CFDP1: variants seen among roughly 807,000 people sequenced by gnomAD.
The protein encoded by CFDP1 is chromatin remodeling protein CFDP1.
In CFDP1, 31 loss-of-function variants were observed where a neutral mutation model predicts 40.1. The observed-to-expected ratio is 0.77, with a 90% CI of 0.58 to 1.04. CFDP1 has a LOEUF of 1.04. Ranked by LOEUF, CFDP1 falls within the 50% of genes least tolerant of loss-of-function variation. The pLI is 0.00. For synonymous variants in CFDP1, 167 were observed against 120.0 expected, an observed-to-expected ratio of 1.39 and a Z score of -2.56; for missense variants, 423 against 343.4, an observed-to-expected ratio of 1.23 and a Z score of -1.83.
chr16:75,423,267 CAA>C (rs1285843544), intron 1 of CFDP1, among the ~76,000 whole-genome samples: 1 of 120,848 alleles, frequency 8.3e-6, no homozygotes, highest in Non-Finnish European at 1.7e-5. Context: ...GGTGACAGAG[CAA>C]GACTCCGTCT....
At chr16:75,319,295 G>A (rs1231496891) in intron 5 of CFDP1, among the ~76,000 whole-genome samples, 1 of 152,034 alleles carries the variant, frequency 6.6e-6, no homozygotes, top group African/African-American at 2.4e-5. Flanking sequence ...ACCTACCTCG[G>A]CCTCCCAAAG....
At chr16:75,426,116 C>T (rs537777693) in intron 1 of CFDP1, among the ~76,000 whole-genome samples, 3 of 147,304 alleles carry the variant, frequency 2.0e-5, no homozygotes, top group East Asian at 2.0e-4. Flanking sequence ...TTTGGGAGGC[C>T]GAGGTGGGCG....
At chr16:75,408,483 T>C (rs2079124687) in intron 4 of CFDP1, among the ~76,000 whole-genome samples, 1 of 151,880 alleles carries the variant, frequency 6.6e-6, no homozygotes, top group South Asian at 2.1e-4. Flanking sequence ...ACTTCAAATA[T>C]TAATATAAAC....
chr16:75,359,908 G>A (rs2078670934), intron 5 of CFDP1, among the ~76,000 whole-genome samples: 1 of 152,092 alleles, frequency 6.6e-6, no homozygotes, highest in African/African-American at 2.4e-5. Context: ...ATTGCTAATG[G>A]CTACTCTCCA....
chr16:75,314,140 CT>C (rs1338221323), intron 5 of CFDP1, among the ~76,000 whole-genome samples: 1 of 152,296 alleles, frequency 6.6e-6, no homozygotes, highest in East Asian at 1.9e-4. Flanking sequence ...CCGCCTCAGC[CT>C]CCCAAAGTGC....
chr16:75,398,949 C>T (rs532310717), intron 4 of CFDP1, among the ~76,000 whole-genome samples: 26 of 149,784 alleles, frequency 1.7e-4, no homozygotes, highest in Non-Finnish European at 1.3e-4. Context: ...CCCAGCTACT[C>T]GGGAGGCTGA....
chr16:75,412,120 C>A (rs534618785), intron 3 of CFDP1, among the ~76,000 whole-genome samples, 168 bp from the exon 4 acceptor site: 2 of 152,246 alleles, frequency 1.3e-5, no homozygotes, highest in South Asian at 2.1e-4. Flanking sequence ...CAGGTTAAAG[C>A]GATTCTCCTT....
intron 5 of CFDP1, among the ~76,000 whole-genome samples, chr16:75,343,079 G>C (rs2078537690): frequency 6.6e-6 from 1 of 152,084 alleles, no homozygotes; most frequent in Non-Finnish European, 1.5e-5. Flanking sequence ...TTTAAGGTCA[G>C]GACTATTAGT....
At chr16:75,306,928 C>G (rs564012892) in intron 5 of CFDP1, among the ~76,000 whole-genome samples, 33 of 152,040 alleles carry the variant, frequency 2.2e-4, no homozygotes, top group African/African-American at 6.0e-4. Context: ...TTCTTTTTCA[C>G]CATTTTACCA....
At chr16:75,397,122 G>C (rs972004967) in intron 4 of CFDP1, among the ~76,000 whole-genome samples, 1 of 151,810 alleles carries the variant, frequency 6.6e-6, no homozygotes, top group African/African-American at 2.4e-5. Flanking sequence ...CACCGTGTTA[G>C]CCAGGATGGT....
At chr16:75,366,488 T>G (rs1350236364) in intron 5 of CFDP1, among the ~76,000 whole-genome samples, 6 of 152,102 alleles carry the variant, frequency 3.9e-5, no homozygotes, top group African/African-American at 1.4e-4. Flanking sequence ...CCGGGTGTGG[T>G]GGCACACGCC....
At chr16:75,404,322 G>A (rs1326639688) in intron 4 of CFDP1, among the ~76,000 whole-genome samples, 24 of 146,370 alleles carry the variant, frequency 1.6e-4, no homozygotes, top group East Asian at 4.2e-4. Context: ...TGCAAGCTCC[G>A]CCTCCCGGGT....
chr16:75,343,699 T>C (rs2078542288), intron 5 of CFDP1, among the ~76,000 whole-genome samples: 1 of 152,156 alleles, frequency 6.6e-6, no homozygotes, highest in Admixed American at 6.5e-5. Context: ...AGAACTGCCT[T>C]GGCCAGTAAA....
At chr16:75,416,117 G>C (rs1345707703) in intron 1 of CFDP1, among the ~76,000 whole-genome samples, 2 of 152,094 alleles carry the variant, frequency 1.3e-5, no homozygotes, top group Non-Finnish European at 2.9e-5. Flanking sequence ...CTCCCAAAGT[G>C]CTGCGATTAC....
intron 5 of CFDP1, among the ~76,000 whole-genome samples, chr16:75,361,879 C>T (rs11865004): frequency 0.52 from 78,770 of 151,698 alleles, 21,496 homozygotes; most frequent in Admixed American, 0.64. Flanking sequence ...CAGAATTTTA[C>T]TATTATTTTT....
chr16:75,340,965 T>C (rs995833751), intron 5 of CFDP1, among the ~76,000 whole-genome samples: 1 of 152,158 alleles, frequency 6.6e-6, no homozygotes, highest in Non-Finnish European at 1.5e-5. Flanking sequence ...AGCAGAGAAG[T>C]AGACTCCATT....
Position 75,411,428 on chromosome 16 carries a change from T to C in CFDP1, c.530+397A>G, listed in dbSNP as rs149634973. 1.5e-3 allele frequency among the ~76,000 whole-genome samples: 233 copies of C among 152,064 alleles called. 1 individual carries two copies. The highest frequency in any genetic ancestry group is 5.5e-3 in the African/African-American group (229 of 41,490). ...TCCGTCTCAGAAAAAGAAAATAATA[T>C]TGAAACCAAATTTCTCTCCTTGTAT... On this transcript the variant is annotated intron_variant, in intron 4 of 6. Coordinates refer to ENST00000283882, the MANE Select transcript of CFDP1 (RefSeq NM_006324.3).
intron 4 of CFDP1, among the ~76,000 whole-genome samples, chr16:75,411,350 G>A (rs2079160990): frequency 6.6e-6 from 1 of 152,196 alleles, no homozygotes; most frequent in Non-Finnish European, 1.5e-5. Flanking sequence ...GGCAGAGGTT[G>A]CAGGGAGCCG....
At chr16:75,355,137 C>T (rs1167353649) in intron 5 of CFDP1, among the ~76,000 whole-genome samples, 1 of 152,140 alleles carries the variant, frequency 6.6e-6, no homozygotes, top group Non-Finnish European at 1.5e-5. Context: ...ATCATCTGAG[C>T]CTTCAGTGAA....
Sources: allele counts gnomAD v4.1 joint callset (sites outside exome capture counted in the v4.1 genomes callset), GRCh38; gene constraint gnomAD v4.1.1; transcripts MANE v1.5; gene names NCBI Gene and HGNC (gene_info 2026-07-23, HGNC 2026-07-21).